The following MRAS variants were observed in gnomAD, a reference collection of about 807,000 sequenced individuals.
MRAS encodes muscle RAS oncogene homolog, also known as ras-related protein M-Ras.
A neutral mutation model predicts 20.9 loss-of-function variants in MRAS; 4 were observed. The observed-to-expected ratio is 0.19, with a 90% CI of 0.09 to 0.44. The LOEUF (loss-of-function observed/expected upper bound fraction) is 0.44. Among genes scored for constraint, MRAS ranks in the 20% least tolerant of loss-of-function variants. The probability of loss-of-function intolerance (pLI) is 0.99; values close to 1 mark genes in which losing one functional copy is unlikely to be tolerated. For synonymous variants in MRAS, 98 were observed against 102.9 expected (o/e 0.95, Z 0.29); for missense variants, 154 against 277.5 (o/e 0.56, Z 3.16).
intron 2 of MRAS, among the ~76,000 whole-genome samples, chr3:138,393,926 G>T (rs1456722603): frequency 6.6e-6 from 1 of 152,022 alleles, no homozygotes; most frequent in Non-Finnish European, 1.5e-5. Flanking sequence ...CCTGACCTCA[G>T]GTGATCCACC....
At chr3:138,400,730 G>T in intron 5 of MRAS, 117 bp downstream of exon 5, 3 of 866,302 alleles carry the variant, frequency 3.5e-6, no homozygotes, top group East Asian at 2.6e-5. Context: ...TGGAATTCTG[G>T]GCCTATTTTT....
chr3:138,355,744 A>G (rs1253488568), intron 1 of MRAS, among the ~76,000 whole-genome samples: 1 of 152,198 alleles, frequency 6.6e-6, no homozygotes, highest in Non-Finnish European at 1.5e-5. Context: ...CAACCTGGCC[A>G]ACATGGTGAA....
At chr3:138,352,182 C>T (rs958386514) in intron 1 of MRAS, among the ~76,000 whole-genome samples, 4 of 152,208 alleles carry the variant, frequency 2.6e-5, no homozygotes, top group Non-Finnish European at 2.9e-5. Flanking sequence ...TGATGAGGTT[C>T]AGGCTGAGGT....
At chr3:138,370,486 A>G (rs1576356212) in intron 1 of MRAS, among the ~76,000 whole-genome samples, 1 of 151,756 alleles carries the variant, frequency 6.6e-6, no homozygotes, top group Non-Finnish European at 1.5e-5. Context: ...CATTTCTGTC[A>G]CCCTGCAACT....
At chr3:138,368,544 A>C (rs2054611302) in intron 1 of MRAS, among the ~76,000 whole-genome samples, 1 of 152,192 alleles carries the variant, frequency 6.6e-6, no homozygotes, top group Non-Finnish European at 1.5e-5. Context: ...CACAGAAAAT[A>C]GTGGGGAAAC....
intron 1 of MRAS, among the ~76,000 whole-genome samples, chr3:138,362,791 G>A (rs758302764): frequency 7.2e-5 from 11 of 152,076 alleles, no homozygotes; most frequent in African/African-American, 1.9e-4. Flanking sequence ...GGCAGGCACC[G>A]TGCGTGGTAT....
At chr3:138,358,668 A>G (rs1360821613) in intron 1 of MRAS, among the ~76,000 whole-genome samples, 1 of 152,266 alleles carries the variant, frequency 6.6e-6, no homozygotes, top group Non-Finnish European at 1.5e-5. Context: ...CCCTGCCCAC[A>G]TGGAGGTGAC....
At chr3:138,395,430 GC>G (rs996273089) in intron 2 of MRAS, among the ~76,000 whole-genome samples, 9 of 151,840 alleles carry the variant, frequency 5.9e-5, no homozygotes, top group Admixed American at 2.6e-4. Context: ...CCCACCATCT[GC>G]CCCCACCTCC....
chr3:138,374,826 T>A (rs2054750138), intron 2 of MRAS, among the ~76,000 whole-genome samples: 1 of 152,254 alleles, frequency 6.6e-6, no homozygotes, highest in Non-Finnish European at 1.5e-5. Context: ...CTGTGTCTAC[T>A]GAGATAACCA....
At chr3:138,381,047 A>G (rs1245213323) in intron 2 of MRAS, among the ~76,000 whole-genome samples, 1 of 152,184 alleles carries the variant, frequency 6.6e-6, no homozygotes, top group African/African-American at 2.4e-5. Context: ...TGTTGGGTTT[A>G]CAGGCATGAG....
At chr3:138,379,104 G>A (rs1415899952) in intron 2 of MRAS, among the ~76,000 whole-genome samples, 2 of 151,948 alleles carry the variant, frequency 1.3e-5, no homozygotes, top group African/African-American at 4.8e-5. Context: ...TCCCTACTGT[G>A]CTATCAAATA....
chr3:138,400,034 A>G (rs2055326856), intron 4 of MRAS, among the ~76,000 whole-genome samples: 1 of 152,220 alleles, frequency 6.6e-6, no homozygotes, highest in South Asian at 2.1e-4. Context: ...CAGATCAAAC[A>G]AGAGCTGGGA....
rs1056539657 is a variant in MRAS at position 138,390,456 on chromosome 3, C to T, written c.194-6868C>T. ...TCTGTCTCTCTCTCACAAACGCACA[C>T]GCACACGCACATTGGCAGCATACCT... On this transcript the variant is annotated intron_variant, in intron 2 of 5. Coordinates refer to ENST00000423968, the MANE Select transcript of MRAS (RefSeq NM_001085049.3). Among the ~76,000 whole-genome samples, 4 of 152,318 alleles carry T rather than the reference C, an allele frequency of 2.6e-5. No individual in the cohort carries two copies. In the South Asian group the frequency reaches 6.2e-4, roughly 24 times the overall value.
chr3:138,368,905 G>A (rs1011810454), intron 1 of MRAS, among the ~76,000 whole-genome samples: 1 of 152,094 alleles, frequency 6.6e-6, no homozygotes, highest in South Asian at 2.1e-4. Flanking sequence ...TTTTGGGGGG[G>A]GCCGGAGAAA....
chr3:138,366,275 C>T (rs1024847463), intron 1 of MRAS, among the ~76,000 whole-genome samples: 1 of 152,182 alleles, frequency 6.6e-6, no homozygotes, highest in Non-Finnish European at 1.5e-5. Context: ...GGGTTGGGCA[C>T]ACCCAGACAT....
At chr3:138,373,295 AAG>A (rs2054713160) in intron 2 of MRAS, among the ~76,000 whole-genome samples, 2 of 152,356 alleles carry the variant, frequency 1.3e-5, no homozygotes, top group South Asian at 4.1e-4. Context: ...GCATTCAGCA[AAG>A]AGGGGAGGCT....
At chr3:138,397,761 CAT>C (rs1465794111) in intron 3 of MRAS, among the ~76,000 whole-genome samples, 25 of 152,154 alleles carry the variant, frequency 1.6e-4, no homozygotes, top group South Asian at 2.1e-4. Flanking sequence ...ATCTAGCTAA[CAT>C]GTGTTCCAAA....
intron 2 of MRAS, among the ~76,000 whole-genome samples, chr3:138,382,456 T>C (rs933916778): frequency 6.6e-6 from 1 of 152,244 alleles, no homozygotes; most frequent in Non-Finnish European, 1.5e-5. Context: ...AGTAAATCAC[T>C]TTCCAGGTGA....
At chr3:138,353,447 G>A (rs2054268896) in intron 1 of MRAS, among the ~76,000 whole-genome samples, 2 of 152,236 alleles carry the variant, frequency 1.3e-5, no homozygotes, top group Non-Finnish European at 2.9e-5. Context: ...GACCCTTCTA[G>A]AGACACAGTG....
Sources: allele counts gnomAD v4.1 joint callset (sites outside exome capture counted in the v4.1 genomes callset), GRCh38; gene constraint gnomAD v4.1.1; transcripts MANE v1.5; gene names NCBI Gene and HGNC (gene_info 2026-07-23, HGNC 2026-07-21).